Variants in PRR5 observed in about 807,000 individuals in gnomAD.
The protein encoded by PRR5 is proline rich 5, also known as proline-rich protein 5.
PRR5 carries 25 observed loss-of-function variants against 30.6 expected under a neutral mutation model. That is an observed-to-expected ratio of 0.82 (90% CI 0.60 to 1.14). PRR5 has a LOEUF of 1.14. PRR5 is among the 50% of genes most tolerant of loss of function. The pLI is 0.00. For missense variants in PRR5, 600 were observed against 547.1 expected (o/e 1.10, Z -0.96); for synonymous variants, 286 against 247.1 (o/e 1.16, Z -1.48).
At chr22:44,731,843 A>C in intron 5 of PRR5, 22 bp downstream of exon 5, 1 of 1,606,544 alleles carries the variant, frequency 6.2e-7, no homozygotes, top group Non-Finnish European at 8.5e-7. Context: ...AGCCCTGGGG[A>C]GGGAAGCCCA....
At chr22:44,716,292 A>G (rs1158877410) in intron 2 of PRR5, among the ~76,000 whole-genome samples, 1 of 152,240 alleles carries the variant, frequency 6.6e-6, no homozygotes, top group East Asian at 1.9e-4. Context: ...CTTTTTAGTC[A>G]GTTCAGAATG....
chr22:44,731,008 G>T, intron 4 of PRR5: 4 of 383,828 alleles, frequency 1.0e-5, no homozygotes, highest in Non-Finnish European at 2.2e-5. Flanking sequence ...GCACACAGTA[G>T]GTGTTCTGTG....
chr22:44,732,696 T>C (rs114484577), intron 6 of PRR5, among the ~76,000 whole-genome samples: 7,954 of 151,038 alleles, frequency 0.053, 334 homozygotes, highest in African/African-American at 0.098. Context: ...ACACACATAC[T>C]TGTGCACACG....
Position 44,736,903 on chromosome 22 carries a change from G to C in PRR5, c.823G>C (p.Gly275Arg). 2 of 1,608,600 alleles carry C rather than the reference G, an allele frequency of 1.2e-6. No individual in the cohort carries two copies. Among genetic ancestry groups the C allele is most frequent in the Non-Finnish European group, 1.7e-6 (2 of 1,178,674 alleles). The change falls in exon 8 of 8, where the codon GGT (glycine) becomes CGT (arginine). Residue 275 changes from glycine (G) to arginine (R), a missense_variant. Coordinates refer to ENST00000336985, the MANE Select transcript of PRR5 (RefSeq NM_181333.4). ...CGAGGCGGAGGGCGCGGCGGCCGGC[G>C]GTACCAGCATCCGCAGGCACTCTGT... ...EHEAEGAAAG[G>R]TSIRRHSVSE...
At chr22:44,696,036 G>A (rs1925719972) in intron 1 of PRR5, among the ~76,000 whole-genome samples, 2 of 138,894 alleles carry the variant, frequency 1.4e-5, no homozygotes, top group South Asian at 2.3e-4. Context: ...TGATTTTCCT[G>A]CCTCAGCCTC....
Position 44,714,732 on chromosome 22 carries a change from G to A in PRR5, c.215+61G>A, listed in dbSNP as rs889550092. On this transcript the variant is annotated intron_variant, in intron 2 of 7. Transcript: ENST00000336985. ...AGTGGCAGGGAGGGCTAGGCCCAGAGTCGAAGGCCCCAGCCAGGCCCCTGA... is the reference window on the plus strand; with the variant it reads ...AGTGGCAGGGAGGGCTAGGCCCAGAATCGAAGGCCCCAGCCAGGCCCCTGA... 1.4e-5 allele frequency: 22 copies of A among 1,595,590 alleles called. No individual in the cohort carries two copies. The African/African-American group carries it at 2.8e-4, about 20-fold the overall frequency.
chr22:44,695,549 A>G (rs1028973894), intron 1 of PRR5, among the ~76,000 whole-genome samples: 6 of 152,088 alleles, frequency 3.9e-5, no homozygotes, highest in East Asian at 3.8e-4. Context: ...GCCTCTCTTC[A>G]TGGCCTTTCC....
chr22:44,691,011 C>A lies in PRR5; in HGVS notation c.-10-11481C>A, dbSNP rs555832260. ...ATCCAGAGCCTCTGAGCAGCCAGGG[C>A]AGAGGCATCCTGGGTGCCCAAGTGA... is the stretch of plus-strand genomic sequence containing the variant. On this transcript the variant is annotated intron_variant, in intron 1 of 8. Transcript: ENST00000006251. This position sits in a 1 kb window ranked among gnomAD's most constrained non-coding sequence, Gnocchi z 4.4. 1.7e-3 allele frequency among the ~76,000 whole-genome samples: 251 copies of A among 152,118 alleles called. No homozygotes were observed. Among genetic ancestry groups the A allele is most frequent in the Admixed American group, 3.4e-3 (52 of 15,286 alleles).
chr22:44,715,155 C>G (rs1035229124), intron 2 of PRR5, among the ~76,000 whole-genome samples: 9 of 152,196 alleles, frequency 5.9e-5, no homozygotes, highest in Non-Finnish European at 2.9e-5. Flanking sequence ...AAGCAGCAGG[C>G]TGGACACACA....
intron 1 of PRR5, among the ~76,000 whole-genome samples, chr22:44,690,753 G>A (rs1925167958): frequency 6.6e-6 from 1 of 152,202 alleles, no homozygotes; most frequent in South Asian, 2.1e-4. Flanking sequence ...CCCAGCCGGA[G>A]GATGAGGAGC....
chr22:44,686,822 C>G (rs1924793925), intron 1 of PRR5, among the ~76,000 whole-genome samples: 1 of 152,192 alleles, frequency 6.6e-6, no homozygotes. Context: ...CCATGCTGGC[C>G]AGGCAGGTCT....
At position 44,719,499 on chromosome 22, in the gene PRR5, T is replaced by C. The variant is rs112005467; in HGVS notation, c.215+4828T>C. On this transcript the variant is annotated intron_variant, in intron 2 of 7. Transcript: ENST00000336985. ...CATTATCCCTGACATGTCATTGTTA[T>C]GTGACCCACCCTCTTAGACAGAATC... is the stretch of plus-strand genomic sequence containing the variant. Among the ~76,000 whole-genome samples, 390 of 152,330 alleles carry C rather than the reference T, an allele frequency of 2.6e-3. 2 individuals are homozygous for C. Among genetic ancestry groups the C allele is most frequent in the Middle Eastern group, 0.014 (4 of 294 alleles).
In PRR5 at chr22:44,732,411, G is replaced by A. The variant is rs1357565230; in HGVS notation, c.555+20G>A. On this transcript the variant is annotated intron_variant, in intron 6 of 7. Coordinates refer to ENST00000336985, the MANE Select transcript of PRR5 (RefSeq NM_181333.4). ...CTGCAGGTGGGCACAGTGGGCAGAG[G>A]GTCGGGCATGGGGACCGTGGGGCAG... 4 of 1,594,778 alleles carry A rather than the reference G, an allele frequency of 2.5e-6. No homozygotes were observed. In the African/African-American group the frequency reaches 4.0e-5, roughly 16 times the overall value.
At chr22:44,734,801 C>G (rs936613778) in intron 6 of PRR5, 5 of 614,820 alleles carry the variant, frequency 8.1e-6, no homozygotes, top group Non-Finnish European at 1.4e-5. Flanking sequence ...ACACCATGGT[C>G]TCCCAGATCC....
intron 2 of PRR5, among the ~76,000 whole-genome samples, chr22:44,717,811 G>T (rs950234835): frequency 6.6e-6 from 1 of 151,418 alleles, no homozygotes; most frequent in African/African-American, 2.4e-5. Flanking sequence ...CCACCTCCCA[G>T]GTTCAAGGAT....
upstream of PRR5, among the ~76,000 whole-genome samples, chr22:44,698,977 C>T (rs1042611043): frequency 6.6e-6 from 1 of 152,168 alleles, no homozygotes; most frequent in Non-Finnish European, 1.5e-5. Flanking sequence ...AAACCCAGAG[C>T]ACTAGCACCT....
upstream of PRR5, among the ~76,000 whole-genome samples, chr22:44,697,228 C>T (rs1023432777): frequency 4.6e-5 from 7 of 152,166 alleles, no homozygotes; most frequent in Admixed American, 1.3e-4. Context: ...TGCTTGGTGC[C>T]GGAGTCACCG....
chr22:44,690,422 TG>T (rs996981948), intron 1 of PRR5, among the ~76,000 whole-genome samples: 1 of 151,988 alleles, frequency 6.6e-6, no homozygotes, highest in Non-Finnish European at 1.5e-5. Flanking sequence ...ATGGTGGGGT[TG>T]GGGGGAACCT....
chr22:44,668,759 C>T (rs1043157201), exon 1 of PRR5: 2 of 148,652 alleles, frequency 1.3e-5, no homozygotes, highest in Non-Finnish European at 3.0e-5. Context: ...CCGGCTCCGG[C>T]TCTGGCTCTG....
Sources: allele counts gnomAD v4.1 joint callset (sites outside exome capture counted in the v4.1 genomes callset), GRCh38; gene constraint gnomAD v4.1.1; non-coding constraint Gnocchi (gnomAD v3.1); transcripts MANE v1.5; gene names NCBI Gene and HGNC (gene_info 2026-07-23, HGNC 2026-07-21).